ACKR3: variants seen among roughly 807,000 people sequenced by gnomAD.
The protein encoded by ACKR3 is C-X-C chemokine receptor type 7.
ACKR3 carries 6 observed loss-of-function variants against 22.4 expected under a neutral mutation model. That is an observed-to-expected ratio of 0.27 (90% CI 0.15 to 0.53). ACKR3 has a LOEUF of 0.53. ACKR3 is among the 20% of genes least tolerant of loss of function. The pLI is 0.96. For missense variants in ACKR3, 396 were observed against 475.2 expected (o/e 0.83, Z 1.55); for synonymous variants, 209 against 205.2 (o/e 1.02, Z -0.16).
upstream of ACKR3, among the ~76,000 whole-genome samples, chr2:236,565,590 T>C (rs368769141): frequency 1.3e-5 from 2 of 152,376 alleles, no homozygotes; most frequent in Admixed American, 1.3e-4. Flanking sequence ...TAACTGACTT[T>C]AGCTACTTCT....
chr2:236,539,804 T>C, the ACKR3 span, among the ~76,000 whole-genome samples: 1 of 152,198 alleles, frequency 6.6e-6, no homozygotes, highest in African/African-American at 2.4e-5. Context: ...CAGTTCTACA[T>C]GGCTGGAGAG....
At chr2:236,575,792 C>T (rs111228922) in intron 1 of ACKR3, among the ~76,000 whole-genome samples, 3,158 of 152,220 alleles carry the variant, frequency 0.021, 90 homozygotes, top group African/African-American at 0.066. Flanking sequence ...TTCCAGATGG[C>T]GGAGACACCA....
upstream of ACKR3, among the ~76,000 whole-genome samples, chr2:236,569,293 AT>A (rs1377272953): frequency 2.0e-5 from 3 of 152,256 alleles, no homozygotes; most frequent in African/African-American, 7.2e-5. Flanking sequence ...CTTTGGGGAT[AT>A]ACGGTGTGGC....
chr2:236,545,747 T>C, the ACKR3 span, among the ~76,000 whole-genome samples: 1 of 152,242 alleles, frequency 6.6e-6, no homozygotes, highest in African/African-American at 2.4e-5. This position sits in a 1 kb window ranked among gnomAD's most constrained non-coding sequence, Gnocchi z 5.3. Context: ...CCTGGGAATA[T>C]ACTTTACAGT....
the ACKR3 span, among the ~76,000 whole-genome samples, chr2:236,544,528 C>G: frequency 6.6e-6 from 1 of 152,182 alleles, no homozygotes; most frequent in African/African-American, 2.4e-5. This position sits in a 1 kb window ranked among gnomAD's most constrained non-coding sequence, Gnocchi z 5.0. Context: ...TGTGCGAGCA[C>G]AGGCCCTGCA....
the ACKR3 span, among the ~76,000 whole-genome samples, chr2:236,554,999 G>C: frequency 2.0e-5 from 3 of 152,186 alleles, no homozygotes; most frequent in Non-Finnish European, 4.4e-5. Flanking sequence ...TCCGTCCCCC[G>C]TCCTCAGGGT....
the ACKR3 span, among the ~76,000 whole-genome samples, chr2:236,544,859 T>C: frequency 1.4e-4 from 21 of 152,322 alleles, no homozygotes; most frequent in East Asian, 3.9e-3. The surrounding 1 kb of genome is among the most constrained non-coding windows in gnomAD (Gnocchi z 5.0). Flanking sequence ...TGTTTTAGAA[T>C]CTTAGAAAGT....
At chr2:236,546,898 C>T in the ACKR3 span, among the ~76,000 whole-genome samples, 1 of 152,278 alleles carries the variant, frequency 6.6e-6, no homozygotes, top group African/African-American at 2.4e-5. This position sits in a 1 kb window ranked among gnomAD's most constrained non-coding sequence, Gnocchi z 4.9. Flanking sequence ...GAGCTGCCTA[C>T]AGGGAGAGAA....
At chr2:236,543,817 T>C in the ACKR3 span, among the ~76,000 whole-genome samples, 10 of 151,810 alleles carry the variant, frequency 6.6e-5, no homozygotes, top group Non-Finnish European at 1.3e-4. Flanking sequence ...GCATCCAGTG[T>C]AAATTTGAAA....
At chr2:236,565,904 T>C (rs1574969680), upstream of ACKR3, among the ~76,000 whole-genome samples, 1 of 152,140 alleles carries the variant, frequency 6.6e-6, no homozygotes, top group Non-Finnish European at 1.5e-5. Flanking sequence ...GTGAAATGAC[T>C]CCTGCCATGC....
intron 1 of ACKR3, among the ~76,000 whole-genome samples, chr2:236,576,220 G>C (rs1691409119): frequency 1.3e-5 from 2 of 152,224 alleles, no homozygotes. Context: ...GTCTCCTTCA[G>C]GCCCTGTGGC....
rs536506618 is a variant in ACKR3 at position 236,581,614 on chromosome 2, A to G, written c.*60A>G. The G allele has an allele frequency of 3.0e-5, 46 of 1,549,832 alleles. No individual in the cohort carries two copies. The highest frequency in any genetic ancestry group is 4.5e-5 in the East Asian group (2 of 44,198). On this transcript the variant is annotated 3_prime_UTR_variant, in exon 2 of 2. Coordinates refer to ENST00000272928, the MANE Select transcript of ACKR3 (RefSeq NM_020311.3). The surrounding 1 kb of genome is among the most constrained non-coding windows in gnomAD (Gnocchi z 4.4). ...GTTTTTGAACAGGGTGATGGGCCCT[A>G]TGGTTTTCTAGAGCAAAGCAAAGTA...
At chr2:236,575,605 C>CTG (rs1491256124) in intron 1 of ACKR3, among the ~76,000 whole-genome samples, 14 of 63,086 alleles carry the variant, frequency 2.2e-4, no homozygotes, top group African/African-American at 1.7e-3. Context: ...TGGGGTTGTG[C>CTG]TCTGTGTGTG....
At chr2:236,553,981 G>A in the ACKR3 span, among the ~76,000 whole-genome samples, 1 of 152,184 alleles carries the variant, frequency 6.6e-6, no homozygotes, top group African/African-American at 2.4e-5. Flanking sequence ...TGTCTGCATC[G>A]TAGTTGGTGA....
chr2:236,550,308 G>A, the ACKR3 span, among the ~76,000 whole-genome samples: 1 of 152,258 alleles, frequency 6.6e-6, no homozygotes, highest in East Asian at 1.9e-4. This position sits in a 1 kb window ranked among gnomAD's most constrained non-coding sequence, Gnocchi z 4.6. Context: ...CATGGGAGAT[G>A]TTGGGGGTGG....
chr2:236,541,358 A>T, the ACKR3 span, among the ~76,000 whole-genome samples: 1 of 152,214 alleles, frequency 6.6e-6, no homozygotes, highest in Admixed American at 6.5e-5. Context: ...TTCATGAAAC[A>T]TCCCTCGTCT....
chr2:236,555,521 C>T, the ACKR3 span, among the ~76,000 whole-genome samples: 1 of 152,266 alleles, frequency 6.6e-6, no homozygotes, highest in East Asian at 1.9e-4. Flanking sequence ...AGTCTATTTT[C>T]ATACCTGGTC....
At chr2:236,543,995 A>ACGAG in the ACKR3 span, among the ~76,000 whole-genome samples, 1 of 36,678 alleles carries the variant, frequency 2.7e-5, no homozygotes, top group East Asian at 6.5e-4. Context: ...ATATATATAC[A>ACGAG]CTTTTTTTTT....
At chr2:236,571,362 G>A (rs1171305329) in intron 1 of ACKR3, among the ~76,000 whole-genome samples, 1 of 152,128 alleles carries the variant, frequency 6.6e-6, no homozygotes, top group Non-Finnish European at 1.5e-5. Flanking sequence ...GCCCAGGATG[G>A]GGGTGGGAAA....
Sources: gnomAD v4.1 joint callset for allele counts (sites outside exome capture counted in the v4.1 genomes callset) on GRCh38, gnomAD v4.1.1 for gene constraint, Gnocchi (gnomAD v3.1) non-coding constraint, MANE v1.5 for transcripts, NCBI Gene and HGNC (gene_info 2026-07-23, HGNC 2026-07-21) for gene names.